The following LRP1B variants were observed in gnomAD, a reference collection of about 807,000 sequenced individuals.
LRP1B encodes the protein low-density lipoprotein receptor-related protein 1B.
A neutral mutation model predicts 556.6 loss-of-function variants in LRP1B; 217 were observed. That is an observed-to-expected ratio of 0.39 (90% CI 0.35 to 0.44). The LOEUF (loss-of-function observed/expected upper bound fraction) is 0.44. LRP1B is among the 20% of genes least tolerant of loss of function. The pLI is 1.00. For missense variants in LRP1B, 5,053 were observed against 5,620.8 expected (o/e 0.90, Z 3.23); for synonymous variants, 2,047 against 1,865.8 (o/e 1.10, Z -2.50).
At chr2:140,592,798 A>T (rs1682280436) in intron 43 of LRP1B, among the ~76,000 whole-genome samples, 1 of 152,120 alleles carries the variant, frequency 6.6e-6, no homozygotes, top group South Asian at 2.1e-4. Flanking sequence ...AAATTAGCCA[A>T]GTATGGTGGT....
intron 66 of LRP1B, among the ~76,000 whole-genome samples, chr2:140,415,093 C>A (rs566515415): frequency 9.9e-5 from 15 of 152,098 alleles, no homozygotes; most frequent in Non-Finnish European, 1.9e-4. Context: ...CCTGCAGTAC[C>A]CTCAGGCTTA....
chr2:142,002,415 C>T (rs1470097597), intron 1 of LRP1B, among the ~76,000 whole-genome samples: 1 of 151,952 alleles, frequency 6.6e-6, no homozygotes, highest in Non-Finnish European at 1.5e-5. Flanking sequence ...TGGGTAGGGA[C>T]ACATCTCTAA....
chr2:141,721,255 G>A (rs1692800344), intron 2 of LRP1B, among the ~76,000 whole-genome samples: 1 of 152,064 alleles, frequency 6.6e-6, no homozygotes, highest in South Asian at 2.1e-4. Flanking sequence ...AAGTGTGCTT[G>A]ACTGGTTTTT....
chr2:140,719,412 T>TA (rs34533464), intron 35 of LRP1B, among the ~76,000 whole-genome samples: 1,679 of 150,816 alleles, frequency 0.011, 27 homozygotes, highest in African/African-American at 0.037. Context: ...ATCTTTACAA[T>TA]AAAAAAAAAA....
chr2:141,432,418 A>T (rs1680595397), intron 3 of LRP1B, among the ~76,000 whole-genome samples: 1 of 151,876 alleles, frequency 6.6e-6, no homozygotes, highest in Admixed American at 6.6e-5. Flanking sequence ...TAATGTTTTT[A>T]TCTGGTTTTG....
At chr2:140,596,339 T>C (rs1208946790) in intron 43 of LRP1B, among the ~76,000 whole-genome samples, 1 of 152,148 alleles carries the variant, frequency 6.6e-6, no homozygotes, top group African/African-American at 2.4e-5. Context: ...ATGTCTCTAT[T>C]AGAGAGCAGT....
At chr2:141,525,406 C>T (rs1684664279) in intron 2 of LRP1B, among the ~76,000 whole-genome samples, 1 of 151,936 alleles carries the variant, frequency 6.6e-6, no homozygotes, top group African/African-American at 2.4e-5. Flanking sequence ...TTTTTTCATC[C>T]TTCTTCACTG....
chr2:140,732,880 A>G (rs964730141), intron 35 of LRP1B, among the ~76,000 whole-genome samples: 1 of 152,172 alleles, frequency 6.6e-6, no homozygotes, highest in Non-Finnish European at 1.5e-5. Context: ...ATATTTTTAG[A>G]AAGTTTGTGA....
intron 1 of LRP1B, among the ~76,000 whole-genome samples, chr2:141,912,506 T>C (rs1253149429): frequency 6.6e-6 from 1 of 151,514 alleles, no homozygotes; most frequent in Admixed American, 6.6e-5. Context: ...CAGGTATGAG[T>C]GAAAAGAAGA....
intron 1 of LRP1B, among the ~76,000 whole-genome samples, chr2:142,087,811 G>A (rs2104943597): frequency 6.6e-6 from 1 of 152,092 alleles, no homozygotes; most frequent in Middle Eastern, 3.4e-3. Context: ...CAAGAGATAA[G>A]CTCAATTTGC....
intron 2 of LRP1B, among the ~76,000 whole-genome samples, chr2:141,688,102 G>T (rs1691378694): frequency 6.6e-6 from 1 of 151,364 alleles, no homozygotes; most frequent in Non-Finnish European, 1.5e-5. Flanking sequence ...TAAGTCATGG[G>T]CTAGGATTAT....
At chr2:141,318,278 G>C (rs1687102960) in intron 3 of LRP1B, among the ~76,000 whole-genome samples, 2 of 152,020 alleles carry the variant, frequency 1.3e-5, no homozygotes, top group Admixed American at 1.3e-4. Flanking sequence ...ATGTGCTATG[G>C]ATACAAACAT....
At chr2:141,288,249 A>AT (rs200988459) in intron 3 of LRP1B, among the ~76,000 whole-genome samples, 2 of 147,234 alleles carry the variant, frequency 1.4e-5, no homozygotes, top group African/African-American at 5.0e-5. Flanking sequence ...AAAAAAAAAA[A>AT]TTTGTTTTCA....
intron 66 of LRP1B, among the ~76,000 whole-genome samples, chr2:140,408,101 T>C (rs981366240): frequency 6.6e-6 from 1 of 151,986 alleles, no homozygotes; most frequent in African/African-American, 2.4e-5. Context: ...TACAATATGT[T>C]CTCCCTTATA....
chr2:140,352,123 C>A (rs1399290305), intron 76 of LRP1B, among the ~76,000 whole-genome samples: 4 of 152,012 alleles, frequency 2.6e-5, no homozygotes, highest in Non-Finnish European at 4.4e-5. Context: ...ATATTAAAAT[C>A]TATACCTACA....
chr2:141,160,720 AAG>A (rs1325336298), intron 7 of LRP1B, among the ~76,000 whole-genome samples: 10 of 152,248 alleles, frequency 6.6e-5, no homozygotes, highest in Non-Finnish European at 1.5e-4. Context: ...TACAGTGAAA[AAG>A]AACAGATCAG....
chr2:140,892,730 C>T (rs1474155916), intron 23 of LRP1B, among the ~76,000 whole-genome samples: 1 of 152,008 alleles, frequency 6.6e-6, no homozygotes, highest in Non-Finnish European at 1.5e-5. Context: ...ATGGAATTAT[C>T]ATTTGTACAG....
intron 84 of LRP1B, among the ~76,000 whole-genome samples, chr2:140,289,081 T>C (rs1383849300): frequency 6.6e-6 from 1 of 151,986 alleles, no homozygotes; most frequent in East Asian, 1.9e-4. Flanking sequence ...TTAAAATTTT[T>C]TTATTCAGTA....
At chr2:142,009,210 G>A (rs897041991) in intron 1 of LRP1B, among the ~76,000 whole-genome samples, 2 of 152,078 alleles carry the variant, frequency 1.3e-5, no homozygotes, top group African/African-American at 4.8e-5. Context: ...TGCAAATAAA[G>A]CCATTGAATA....
Sources: gnomAD v4.1 joint callset for allele counts (sites outside exome capture counted in the v4.1 genomes callset) on GRCh38, gnomAD v4.1.1 for gene constraint, MANE v1.5 for transcripts, NCBI Gene and HGNC (gene_info 2026-07-23, HGNC 2026-07-21) for gene names.